Variants in ARID1B observed in about 807,000 individuals in gnomAD.
ARID1B encodes the protein AT-rich interaction domain 1B, also known as AT-rich interactive domain-containing protein 1B.
ARID1B carries 30 observed loss-of-function variants against 212.3 expected under a neutral mutation model. The ratio of observed to expected loss-of-function variants is 0.14; its 90% CI spans 0.11 to 0.19. The LOEUF is 0.19. Among genes scored for constraint, ARID1B ranks in the 10% least tolerant of loss-of-function variants. The pLI is 1.00. For synonymous variants in ARID1B, 1,402 were observed against 1,301.7 expected (o/e 1.08, Z -1.66); for missense variants, 2,891 against 3,204.0 (o/e 0.90, Z 2.36).
chr6:156,974,763 T>C (rs889731194), intron 4 of ARID1B, among the ~76,000 whole-genome samples: 4 of 152,248 alleles, frequency 2.6e-5, no homozygotes, highest in East Asian at 1.9e-4. Context: ...CTTTCACTTA[T>C]CAGAACTTAC....
chr6:156,784,271 G>T (rs549324335), intron 1 of ARID1B, among the ~76,000 whole-genome samples: 29 of 152,212 alleles, frequency 1.9e-4, no homozygotes, highest in African/African-American at 7.0e-4. Context: ...TGAGGCTGAG[G>T]AATCCCAAAC....
intron 2 of ARID1B, among the ~76,000 whole-genome samples, chr6:156,897,479 G>A (rs1788575152): frequency 6.6e-6 from 1 of 151,478 alleles, no homozygotes; most frequent in Admixed American, 6.6e-5. Context: ...TTGTCATGTT[G>A]CCCAGGCTGG....
At chr6:156,786,299 C>T (rs1331800155) in intron 1 of ARID1B, among the ~76,000 whole-genome samples, 3 of 151,998 alleles carry the variant, frequency 2.0e-5, no homozygotes, top group Non-Finnish European at 4.4e-5. Context: ...CCATAGTGTT[C>T]TCTGCCACCA....
chr6:156,881,324 A>G (rs997273021), intron 2 of ARID1B, among the ~76,000 whole-genome samples: 3 of 152,184 alleles, frequency 2.0e-5, no homozygotes, highest in African/African-American at 7.2e-5. Context: ...TTTTAGATGT[A>G]CCAGATTTGA....
chr6:157,034,427 A>G (rs1042153173), intron 4 of ARID1B, among the ~76,000 whole-genome samples: 13 of 152,212 alleles, frequency 8.5e-5, no homozygotes, highest in African/African-American at 2.9e-4. Flanking sequence ...CAAATTTTTC[A>G]GTTGTATATT....
intron 8 of ARID1B, chr6:157,166,728 GTTC>G (rs1791350133): frequency 4.6e-6 from 1 of 215,608 alleles, no homozygotes; most frequent in African/African-American, 2.3e-5. Context: ...TGTAATTCCT[GTTC>G]TTATTTCAAG....
At chr6:157,080,938 A>G (rs760557002) in intron 4 of ARID1B, among the ~76,000 whole-genome samples, 10 of 152,244 alleles carry the variant, frequency 6.6e-5, no homozygotes, top group Non-Finnish European at 1.5e-4. Context: ...CCAGAAAGTA[A>G]TCAGTATTCC....
At chr6:157,020,780 C>A (rs924300704) in intron 4 of ARID1B, among the ~76,000 whole-genome samples, 9 of 152,212 alleles carry the variant, frequency 5.9e-5, no homozygotes, top group African/African-American at 2.2e-4. Flanking sequence ...TTGGTCATAA[C>A]TCAATAAATT....
intron 5 of ARID1B, among the ~76,000 whole-genome samples, chr6:157,102,473 C>T (rs1786117336): frequency 6.6e-6 from 1 of 152,146 alleles, no homozygotes; most frequent in Non-Finnish European, 1.5e-5. Flanking sequence ...AAAGCAACTT[C>T]TGTTACTGAC....
chr6:157,206,247 A>C lies in ARID1B; in HGVS notation c.5475A>C (p.Glu1825Asp). ...IDIFGILMEY[E>D]VGDPSQKALD... ...TTTTTGGAATTCTTATGGAATATGAAGTGGGAGACCCCAGCCAAAAAGCAC... is the reference window on the plus strand; with the variant it reads ...TTTTTGGAATTCTTATGGAATATGACGTGGGAGACCCCAGCCAAAAAGCAC... The change falls in exon 20 of 20, where the codon GAA becomes GAC. Residue 1825 changes from glutamate to aspartate, a missense_variant. Physicochemically the swap from Glu to Asp is conservative, Grantham distance 45 (BLOSUM62 2). This residue lies in a region of ARID1B where 332 missense variants were observed against 369.2 expected (regional missense o/e 0.90). Coordinates refer to ENST00000636930, the MANE Select transcript of ARID1B (RefSeq NM_001374828.1). The surrounding 1 kb of genome is among the most constrained non-coding windows in gnomAD (Gnocchi z 6.8). The C allele has an allele frequency of 6.2e-7, 1 of 1,614,224 alleles. No individual in the cohort carries two copies. The highest frequency in any genetic ancestry group is 8.5e-7 in the Non-Finnish European group (1 of 1,180,038).
intron 7 of ARID1B, among the ~76,000 whole-genome samples, chr6:157,145,250 T>C (rs1789641007): frequency 6.6e-6 from 1 of 152,048 alleles, no homozygotes; most frequent in Non-Finnish European, 1.5e-5. Context: ...GTATCAGGAG[T>C]CCACAGATTG....
intron 3 of ARID1B, among the ~76,000 whole-genome samples, chr6:156,910,737 T>C (rs1168330394): frequency 1.3e-5 from 2 of 152,236 alleles, no homozygotes; most frequent in Non-Finnish European, 2.9e-5. Context: ...TCATGTTTTC[T>C]AGTTGTTCCT....
chr6:156,840,700 T>C (rs1161437987), intron 2 of ARID1B, among the ~76,000 whole-genome samples: 2 of 152,226 alleles, frequency 1.3e-5, no homozygotes, highest in Non-Finnish European at 2.9e-5. Context: ...GCTGTGTTTT[T>C]AATGCTGCTT....
In ARID1B at chr6:156,789,877, G is replaced by A. The variant is rs555012751; in HGVS notation, c.1791+10406G>A. Reference sequence around the variant, plus strand: ...ATGAGGACTAAACTTTATAAGAAACGTGTATGCTGCTTGGCAATGAAAAGG... The same window carrying A: ...ATGAGGACTAAACTTTATAAGAAACATGTATGCTGCTTGGCAATGAAAAGG... On this transcript the variant is annotated intron_variant, in intron 1 of 19. Transcript: ENST00000636930. 4.6e-5 allele frequency among the ~76,000 whole-genome samples: 7 copies of A among 152,310 alleles called. No individual in the cohort carries two copies. The East Asian group carries it at 9.6e-4, about 21-fold the overall frequency.
intron 6 of ARID1B, among the ~76,000 whole-genome samples, chr6:157,117,386 A>G (rs1787389097): frequency 1.3e-5 from 2 of 152,200 alleles, no homozygotes; most frequent in South Asian, 2.1e-4. Context: ...AATTAATGGT[A>G]TATTTTAGCT....
chr6:157,157,834 G>A (rs778792477), intron 8 of ARID1B, among the ~76,000 whole-genome samples: 1 of 152,198 alleles, frequency 6.6e-6, no homozygotes, highest in Non-Finnish European at 1.5e-5. Context: ...AGCAGCCTGG[G>A]CAACGTAGTG....
chr6:157,014,278 A>T (rs777235166), intron 4 of ARID1B, among the ~76,000 whole-genome samples: 10 of 152,110 alleles, frequency 6.6e-5, no homozygotes, highest in Non-Finnish European at 1.5e-4. Context: ...TGGGCAAATT[A>T]TTTCTTTTGA....
intron 2 of ARID1B, among the ~76,000 whole-genome samples, chr6:156,850,875 A>G (rs1784538456): frequency 6.6e-6 from 1 of 152,232 alleles, no homozygotes; most frequent in Non-Finnish European, 1.5e-5. Flanking sequence ...TTTACTGTAA[A>G]GTGTCCAGAT....
At chr6:156,962,469 C>T (rs1186460589) in intron 4 of ARID1B, among the ~76,000 whole-genome samples, 1 of 152,066 alleles carries the variant, frequency 6.6e-6, no homozygotes. Context: ...TCTTTTGGGG[C>T]GTGGTGGGGA....
Sources: gnomAD v4.1 joint callset for allele counts (sites outside exome capture counted in the v4.1 genomes callset) on GRCh38, gnomAD v4.1.1 for gene constraint, gnomAD v4.1.1 regional missense constraint, Gnocchi (gnomAD v3.1) non-coding constraint, MANE v1.5 for transcripts, NCBI Gene and HGNC (gene_info 2026-07-23, HGNC 2026-07-21) for gene names.